Variants in PIDD1 observed in about 807,000 individuals in gnomAD.
PIDD1 encodes the protein p53-induced death domain-containing protein 1.
A neutral mutation model predicts 80.0 loss-of-function variants in PIDD1; 72 were observed. The observed-to-expected ratio is 0.90, with a 90% CI of 0.74 to 1.09. The LOEUF (loss-of-function observed/expected upper bound fraction) is 1.09. Ranked by LOEUF, PIDD1 falls within the 50% of genes least tolerant of loss-of-function variation. PIDD1 has a pLI of 0.00. For synonymous variants in PIDD1, 655 were observed against 543.5 expected, an observed-to-expected ratio of 1.21 and a Z score of -2.85; for missense variants, 1,329 against 1,228.3, an observed-to-expected ratio of 1.08 and a Z score of -1.23.
intron 12 of PIDD1, 38 bp from the exon 13 acceptor site, chr11:800,489 G>A (rs1373042494): frequency 1.2e-6 from 2 of 1,610,290 alleles, no homozygotes; most frequent in Non-Finnish European, 1.7e-6. Flanking sequence ...GAGGGCTCGG[G>A]GAGGACGGTA....
chr11:804,173 G>A lies in PIDD1; in HGVS notation c.216C>T (p.His72=), dbSNP rs143547240. 505 of 1,613,298 alleles carry A rather than the reference G, an allele frequency of 3.1e-4. No individual in the cohort carries two copies. Among genetic ancestry groups the A allele is most frequent in the Non-Finnish European group, 4.1e-4 (481 of 1,179,928 alleles). The part of the protein sequence containing the change: ...LQVEFLRLST[H]EDPQLLEATL... ...TGGCCTCCAGCAGCTGAGGGTCCTC[G>A]TGAGTGCTCAGACGCAAGAATTCCA... The change falls in exon 2 of 16, where the codon CAC becomes CAT. Residue 72 remains histidine (H), a synonymous_variant. Coordinates refer to ENST00000347755, the MANE Select transcript of PIDD1 (RefSeq NM_145886.4).
At chr11:808,075 G>C (rs527768398), upstream of PIDD1, among the ~76,000 whole-genome samples, 2 of 151,978 alleles carry the variant, frequency 1.3e-5, no homozygotes, top group Non-Finnish European at 2.9e-5. Flanking sequence ...TATCAAGGGT[G>C]GGGGAGCAGG....
Position 803,369 on chromosome 11 carries a change from CG to C in PIDD1, c.513del (p.Ala172ProfsTer7). On this transcript the variant is annotated frameshift_variant, in exon 3 of 16. Coordinates refer to ENST00000347755, the MANE Select transcript of PIDD1 (RefSeq NM_145886.4). LOFTEE classifies it high-confidence loss of function. ...SELPEALGAL[P>X]ALTFLTVTHN... ...TGTGTCACTGTGAGGAAGGTGAGGGCGGGGAGGGCCCCCAGAGCCTCAGGCA... is the reference window on the plus strand; with the variant it reads ...TGTGTCACTGTGAGGAAGGTGAGGGCGGGAGGGCCCCCAGAGCCTCAGGCA... 1 of 1,613,814 alleles carries C rather than the reference CG, an allele frequency of 6.2e-7. No individual in the cohort carries two copies. The highest frequency in any genetic ancestry group is 8.5e-7 in the Non-Finnish European group (1 of 1,179,930).
At position 804,124 on chromosome 11, in the gene PIDD1, G is replaced by A. The variant is rs1452675848; in HGVS notation, c.265C>T (p.Leu89=). The A allele has an allele frequency of 1.3e-5, 21 of 1,612,834 alleles. No individual in the cohort carries two copies. The highest frequency in any genetic ancestry group is 1.8e-5 in the Non-Finnish European group (21 of 1,179,414). Reference sequence around the variant, plus strand: ...AGGACCAGGGAGCGGAGGCAGGACAGGCTCTGAGGCAGCTGGGCCAGGGTG... The same window carrying A: ...AGGACCAGGGAGCGGAGGCAGGACAAGCTCTGAGGCAGCTGGGCCAGGGTG... ...EATLAQLPQS[L]SCLRSLVLKG... Residue 89 remains leucine (L), a synonymous_variant, in exon 2 of 16, where the codon CTG becomes TTG. Transcript: ENST00000347755.
chr11:808,200 G>C (rs1865877739), upstream of PIDD1, among the ~76,000 whole-genome samples: 1 of 152,086 alleles, frequency 6.6e-6, no homozygotes, highest in African/African-American at 2.4e-5. Context: ...GCGGAAGTGG[G>C]AAGATCACTT....
upstream of PIDD1, among the ~76,000 whole-genome samples, chr11:807,621 C>G (rs1865843711): frequency 6.7e-6 from 1 of 149,578 alleles, no homozygotes; most frequent in Non-Finnish European, 1.5e-5. Flanking sequence ...ACTAAAAACA[C>G]AAAAACTTAG....
intron 10 of PIDD1, 35 bp from the exon 11 acceptor site, chr11:800,947 C>T (rs1333456174): frequency 2.5e-6 from 4 of 1,596,000 alleles, no homozygotes; most frequent in Non-Finnish European, 3.4e-6. Context: ...GCTGTACAGA[C>T]TGGGGGAGGG....
chr11:799,497 C>G lies in PIDD1; in HGVS notation c.2543G>C (p.Gly848Ala). 2 of 1,607,846 alleles carry G rather than the reference C, an allele frequency of 1.2e-6. No homozygotes were observed. Among genetic ancestry groups the G allele is most frequent in the Non-Finnish European group, 8.5e-7 (1 of 1,179,850 alleles). ...GGCCTGCACCAGGAGCCCCACAGCC[C>G]CTGGCTGCCCAGCCTGGCGCTCAGC... ...SWAERQAGQP[G>A]AVGLLVQALE... Residue 848 changes from glycine to alanine, a missense_variant, in exon 16 of 16, where the codon GGG becomes GCG. Transcript: ENST00000347755.
chr11:805,675 C>T, upstream of PIDD1: 2 of 985,568 alleles, frequency 2.0e-6, no homozygotes, highest in Non-Finnish European at 2.4e-6. Context: ...ACGGCCTCCT[C>T]CGGGAAGCCT....
rs1269638546 is a variant in PIDD1, at chr11:802,340, T to G, written c.1031A>C (p.Gln344Pro). The G allele has an allele frequency of 1.2e-6, 2 of 1,611,830 alleles. No individual in the cohort carries two copies. Among genetic ancestry groups the G allele is most frequent in the Non-Finnish European group, 1.7e-6 (2 of 1,179,788 alleles). The change falls in exon 6 of 16, where the codon CAG becomes CCG. Residue 344 changes from glutamine (Q) to proline (P), a missense_variant. Coordinates refer to ENST00000347755, the MANE Select transcript of PIDD1 (RefSeq NM_145886.4). Reference protein sequence around the residue: ...SVTLACGVRLQFPAGATATPI... With the variant: ...SVTLACGVRLPFPAGATATPI... ...GGTGGCGGTGGCTCCCGCTGGGAAC[T>G]GCAGGCGGACGCCACAGGCCAGGGT...
At chr11:802,922 C>A (rs1218855729) in intron 3 of PIDD1, 31 bp from the exon 4 acceptor site, 2 of 1,526,260 alleles carry the variant, frequency 1.3e-6, no homozygotes, top group East Asian at 2.4e-5. Context: ...AGGCTTGGCA[C>A]CAGCCCAGCC....
At position 799,346 on chromosome 11, in the gene PIDD1, G is replaced by A. The variant is rs1297291206; in HGVS notation, c.2694C>T (p.Gly898=). The change falls in exon 16 of 16, where the codon GGC becomes GGT. Residue 898 remains glycine, a synonymous_variant. Transcript: ENST00000347755. ...GLAPKDPALP[G]SSAPQPPEPA... Reference sequence around the variant, plus strand: ...GCTCTGGGGGCTGTGGAGCCGAGGAGCCAGGCAGAGCGGGGTCCTTGGGGG... The same window carrying A: ...GCTCTGGGGGCTGTGGAGCCGAGGAACCAGGCAGAGCGGGGTCCTTGGGGG... 2 of 1,609,874 alleles carry A rather than the reference G, an allele frequency of 1.2e-6. No individual in the cohort carries two copies. The highest frequency in any genetic ancestry group is 1.7e-6 in the Non-Finnish European group (2 of 1,179,204).
rs745681823 is a variant in PIDD1, at chr11:802,243, C to T, written c.1128G>A (p.Leu376=). 1 of 1,611,694 alleles carries T rather than the reference C, an allele frequency of 6.2e-7. No individual in the cohort carries two copies. The highest frequency in any genetic ancestry group is 1.1e-5 in the South Asian group (1 of 91,030). Residue 376 remains leucine (L), a synonymous_variant, in exon 6 of 16, where the codon CTG becomes CTA. Coordinates refer to ENST00000347755, the MANE Select transcript of PIDD1 (RefSeq NM_145886.4). ...GLVPLGPHDA[L]LSHVLELQPH... ...GCTGCAGCTCCAGCACATGGCTGAG[C>T]AGGGCGTCATGAGGACCCAGGGGGA... is the stretch of plus-strand genomic sequence containing the variant.
At position 800,836 on chromosome 11, in the gene PIDD1, G is replaced by C. The variant is rs376999143; in HGVS notation, c.1843C>G (p.Arg615Gly). Residue 615 changes from arginine to glycine, a missense_variant, in exon 11 of 16, where the codon CGT (arginine) becomes GGT (glycine). By Grantham distance (125) the Arg-to-Gly change is moderately radical. Coordinates refer to ENST00000347755, the MANE Select transcript of PIDD1 (RefSeq NM_145886.4). ...CGCTGCAGAGCGATGAGGTTCACAC[G>C]GTGCAGCCGCAGCCGCTCCCAGGCC... ...RKAWERLRLH[R>G]VNLIALQRRR... The C allele has an allele frequency of 2.0e-5, 31 of 1,567,134 alleles. No individual in the cohort carries two copies. Among genetic ancestry groups the C allele is most frequent in the Non-Finnish European group, 2.7e-5 (31 of 1,156,536 alleles).
rs1367490231 is a variant in PIDD1, at chr11:802,285, C to A, written c.1086G>T (p.Leu362=). 4 of 1,611,876 alleles carry A rather than the reference C, an allele frequency of 2.5e-6. No homozygotes were observed. Among genetic ancestry groups the A allele is most frequent in the East Asian group, 2.2e-5 (1 of 44,876 alleles). Residue 362 remains leucine (L), a synonymous_variant, in exon 6 of 16, where the codon CTG becomes CTT. Transcript: ENST00000347755. ...CCAGGGGGACGAGGCCTGGCTCCGGCAGCAGCAGCCGATAGCGGATGGTGA... is the reference window on the plus strand; with the variant it reads ...CCAGGGGGACGAGGCCTGGCTCCGGAAGCAGCAGCCGATAGCGGATGGTGA... ...TPITIRYRLL[L]PEPGLVPLGP...
At chr11:807,226 C>T (rs908484653), upstream of PIDD1, among the ~76,000 whole-genome samples, 1 of 149,198 alleles carries the variant, frequency 6.7e-6, no homozygotes, top group Non-Finnish European at 1.5e-5. Flanking sequence ...CGCTGTGGCT[C>T]GCATCTGTAA....
intron 2 of PIDD1, 137 bp from the exon 3 acceptor site, chr11:803,724 CAG>C: frequency 1.0e-6 from 1 of 999,868 alleles, no homozygotes; most frequent in Admixed American, 2.4e-5. Flanking sequence ...CAGGGACAGA[CAG>C]ACAGAAACAC....
rs747088140 is a variant in PIDD1 at position 803,531 on chromosome 11, G to T, written c.352C>A (p.Pro118Thr). The T allele has an allele frequency of 1.9e-6, 3 of 1,613,230 alleles. No individual in the cohort carries two copies. Among genetic ancestry groups the T allele is most frequent in the Non-Finnish European group, 1.7e-6 (2 of 1,179,912 alleles). ...TGGGCCAGGCCACTCAGACCAGCGGGCAGGTTGGTCAGGGCACCCCGGAGA... is the reference window on the plus strand; with the variant it reads ...TGGGCCAGGCCACTCAGACCAGCGGTCAGGTTGGTCAGGGCACCCCGGAGA... ...ACLRGALTNL[P>T]AGLSGLAHLA... Residue 118 changes from proline (P) to threonine (T), a missense_variant, in exon 3 of 16, where the codon CCC becomes ACC. By Grantham distance (38) the Pro-to-Thr change is conservative (BLOSUM62 -1). Transcript: ENST00000347755.
upstream of PIDD1, among the ~76,000 whole-genome samples, chr11:808,858 T>G (rs1475107909): frequency 6.6e-6 from 1 of 152,032 alleles, no homozygotes; most frequent in Admixed American, 6.5e-5. Flanking sequence ...TGAAGTCGAG[T>G]TCCAGTGCTT....
Sources: gnomAD v4.1 joint callset for allele counts (sites outside exome capture counted in the v4.1 genomes callset) on GRCh38, gnomAD v4.1.1 for gene constraint, MANE v1.5 for transcripts, NCBI Gene and HGNC (gene_info 2026-07-23, HGNC 2026-07-21) for gene names.